Variants in ZC3H8 observed in about 807,000 individuals in gnomAD.
ZC3H8 encodes zinc finger CCCH-type containing 8.
ZC3H8 carries 27 observed loss-of-function variants against 42.5 expected under a neutral mutation model. The ratio of observed to expected loss-of-function variants is 0.64; its 90% confidence interval spans 0.47 to 0.88. The LOEUF is 0.88. Among genes scored for constraint, ZC3H8 ranks in the 40% least tolerant of loss-of-function variants. The pLI is 0.00. For missense variants in ZC3H8, 277 were observed against 336.1 expected, an observed-to-expected ratio of 0.82 and a Z score of 1.37; for synonymous variants, 101 against 110.1, an observed-to-expected ratio of 0.92 and a Z score of 0.52.
intron 8 of ZC3H8, among the ~76,000 whole-genome samples, chr2:112,225,078 G>A (rs1684758658): frequency 6.6e-6 from 1 of 152,104 alleles, no homozygotes; most frequent in Non-Finnish European, 1.5e-5. Context: ...TTTTGAGACT[G>A]TTCACTGGTA....
intron 8 of ZC3H8, among the ~76,000 whole-genome samples, chr2:112,224,891 G>T (rs1015373917): frequency 2.6e-5 from 4 of 152,184 alleles, no homozygotes; most frequent in East Asian, 1.9e-4. Context: ...TTTATTGATT[G>T]TGGTGGTAGC....
At chr2:112,222,730 G>C (rs1339794581) in intron 8 of ZC3H8, among the ~76,000 whole-genome samples, 1 of 152,138 alleles carries the variant, frequency 6.6e-6, no homozygotes, top group East Asian at 1.9e-4. Context: ...AAAATCACAA[G>C]AGACAGAAAA....
chr2:112,254,831 C>T (rs1686069311), intron 1 of ZC3H8, 77 bp downstream of exon 1: 2 of 1,511,922 alleles, frequency 1.3e-6, no homozygotes, highest in African/African-American at 2.8e-5. Context: ...CCCCGGACTG[C>T]CTCCAATCCA....
chr2:112,248,248 C>T (rs1021438568), intron 2 of ZC3H8, among the ~76,000 whole-genome samples: 1 of 151,600 alleles, frequency 6.6e-6, no homozygotes, highest in Non-Finnish European at 1.5e-5. Context: ...ACTGCTCGAA[C>T]CCAGGAGAAG....
In ZC3H8 at chr2:112,236,697, TAAAAACAAAAAATTA is replaced by T; in HGVS notation, c.371-17_371-3del. 1 of 1,600,444 alleles carries T rather than the reference TAAAAACAAAAAATTA, an allele frequency of 6.2e-7. No homozygotes were observed. The highest frequency in any genetic ancestry group is 8.5e-7 in the Non-Finnish European group (1 of 1,173,916). On this transcript the variant is annotated splice_polypyrimidine_tract_variant and splice_region_variant and intron_variant, in intron 3 of 8. Coordinates refer to ENST00000409573, the MANE Select transcript of ZC3H8 (RefSeq NM_032494.3). ...GATTTTTATTTTTTTGTTTAGCAGC[TAAAAACAAAAAATTA>T]ATTTAAAAAATGACATAAAGTTACA...
At position 112,231,943 on chromosome 2, in the gene ZC3H8, T is replaced by C; in HGVS notation, c.738A>G (p.Glu246=). 6.5e-7 allele frequency: 1 copy of C among 1,532,044 alleles called. No individual in the cohort carries two copies. The highest frequency in any genetic ancestry group is 8.9e-7 in the Non-Finnish European group (1 of 1,119,862). The allele number at this position is 1,532,044 out of a possible 1,614,324, so 94.9% of individuals were successfully genotyped here. A position where few individuals can be genotyped will look rare whatever the true frequency, so the allele number is the denominator to read the frequency against. Residue 246 remains glutamate (E), a synonymous_variant, in exon 7 of 9, where the codon GAA becomes GAG. Coordinates refer to ENST00000409573, the MANE Select transcript of ZC3H8 (RefSeq NM_032494.3). Reference sequence around the variant, plus strand: ...CTGTATGGTAAAACTTACAAGGATATTCATGTAACCCAAGTGTTAAGGAAG... The same window carrying C: ...CTGTATGGTAAAACTTACAAGGATACTCATGTAACCCAAGTGTTAAGGAAG... The part of the protein sequence containing the change: ...RGENCLYLHN[E]YPCKFYHTGT...
chr2:112,246,343 T>G (rs892124732), intron 2 of ZC3H8, among the ~76,000 whole-genome samples: 2 of 152,200 alleles, frequency 1.3e-5, no homozygotes, highest in Non-Finnish European at 2.9e-5. Flanking sequence ...AATACACTTT[T>G]TAAGGTTATA....
Position 112,236,716 on chromosome 2 carries a change from T to TA in ZC3H8, c.371-22dup, listed in dbSNP as rs570684550. On this transcript the variant is annotated intron_variant, in intron 3 of 8. Coordinates refer to ENST00000409573, the MANE Select transcript of ZC3H8 (RefSeq NM_032494.3). ...AGCAGCTAAAAACAAAAAATTAATT[T>TA]AAAAAATGACATAAAGTTACAATAG... 1.3e-5 allele frequency: 21 copies of TA among 1,575,858 alleles called. No homozygotes were observed. The East Asian group carries it at 4.4e-4, about 33-fold the overall frequency.
chr2:112,236,370 AAAAG>A (rs762871964), intron 4 of ZC3H8, among the ~76,000 whole-genome samples, 188 bp downstream of exon 4: 4 of 152,242 alleles, frequency 2.6e-5, no homozygotes, highest in Non-Finnish European at 5.9e-5. Context: ...ATCAGTGAGA[AAAAG>A]AAAGCTGCAA....
At chr2:112,220,997 CCTCT>C (rs1488101506) in intron 8 of ZC3H8, among the ~76,000 whole-genome samples, 18 of 152,108 alleles carry the variant, frequency 1.2e-4, no homozygotes, top group Non-Finnish European at 2.4e-4. Flanking sequence ...TGAATGTTGG[CCTCT>C]CTAACAAGGT....
In ZC3H8 at chr2:112,212,404, C is replaced by T. The variant is rs878902616; in HGVS notation, c.*4080G>A. ...GTGTGCTCTTTGCAGGAGCTGAATA[C>T]AATGAATGTAGTTTTTGGTGAAGAG... On this transcript the variant is annotated 3_prime_UTR_variant, in exon 9 of 9. Transcript: ENST00000409573. 1 of 152,172 alleles carries T rather than the reference C, an allele frequency of 6.6e-6. No individual in the cohort carries two copies. The highest frequency in any genetic ancestry group is 6.5e-5 in the Admixed American group (1 of 15,276). The allele number at this position is 152,172 out of a possible 1,614,324, so 9.4% of individuals were successfully genotyped here. A position where few individuals can be genotyped will look rare whatever the true frequency, so the allele number is the denominator to read the frequency against.
At position 112,213,850 on chromosome 2, in the gene ZC3H8, TAA is replaced by T. The variant is rs1684227877; in HGVS notation, c.*2632_*2633del. 8.3e-6 allele frequency: 1 copy of T among 120,564 alleles called. No individual in the cohort carries two copies. Among genetic ancestry groups the T allele is most frequent in the Non-Finnish European group, 1.7e-5 (1 of 59,358 alleles). The allele number at this position is 120,564 out of a possible 1,614,324, so 7.5% of individuals were successfully genotyped here. A position where few individuals can be genotyped will look rare whatever the true frequency, so the allele number is the denominator to read the frequency against. The stretch of plus-strand genomic sequence containing the variant: ...TTATGTGGCTTTTAGTAACTGACCA[TAA>T]AAAGACCCATATGAAACCTGTCACA... On this transcript the variant is annotated 3_prime_UTR_variant, in exon 9 of 9. Coordinates refer to ENST00000409573, the MANE Select transcript of ZC3H8 (RefSeq NM_032494.3).
intron 1 of ZC3H8, among the ~76,000 whole-genome samples, chr2:112,251,435 A>G (rs1000278159): frequency 2.6e-5 from 4 of 152,178 alleles, no homozygotes; most frequent in Admixed American, 2.6e-4. Context: ...AAACCCCAAT[A>G]CTTGTGAATC....
intron 1 of ZC3H8, among the ~76,000 whole-genome samples, chr2:112,251,259 A>G (rs1685936999): frequency 1.3e-5 from 2 of 152,224 alleles, no homozygotes; most frequent in Non-Finnish European, 2.9e-5. Context: ...CACAAGGAGA[A>G]TGTGAACAGT....
chr2:112,216,872 TAGAAAACAA>T (rs1159620117), intron 8 of ZC3H8, among the ~76,000 whole-genome samples: 1 of 151,850 alleles, frequency 6.6e-6, no homozygotes, highest in Non-Finnish European at 1.5e-5. Context: ...AAAAATTTAA[TAGAAAACAA>T]AGAAAACACA....
At position 112,215,615 on chromosome 2, in the gene ZC3H8, C is replaced by T. The variant is rs1048674236; in HGVS notation, c.*869G>A. The T allele has an allele frequency of 3.3e-5, 5 of 152,086 alleles. No individual in the cohort carries two copies. The highest frequency in any genetic ancestry group is 4.1e-4 in the South Asian group (2 of 4,824). The allele number at this position is 152,086 out of a possible 1,614,324, so 9.4% of individuals were successfully genotyped here. ...TCCCAACAATAAAACAATATAATGACGAGTTTCCATTTCATGGTATTTGTC... is the reference window on the plus strand; with the variant it reads ...TCCCAACAATAAAACAATATAATGATGAGTTTCCATTTCATGGTATTTGTC... On this transcript the variant is annotated 3_prime_UTR_variant, in exon 9 of 9. Transcript: ENST00000409573.
intron 2 of ZC3H8, among the ~76,000 whole-genome samples, chr2:112,245,510 T>C (rs1685728248): frequency 6.6e-6 from 1 of 152,118 alleles, no homozygotes; most frequent in Admixed American, 6.6e-5. Flanking sequence ...AAAAATTAAC[T>C]GGGTGTGATG....
rs1404768064 is a variant in ZC3H8 at position 112,222,395 on chromosome 2, G to C, written c.*16-5927C>G. 2.0e-5 allele frequency among the ~76,000 whole-genome samples: 3 copies of C among 152,172 alleles called. No homozygotes were observed. In the East Asian group the frequency reaches 5.8e-4, roughly 29 times the overall value. On this transcript the variant is annotated intron_variant, in intron 8 of 8. Coordinates refer to ENST00000409573, the MANE Select transcript of ZC3H8 (RefSeq NM_032494.3). Reference sequence around the variant, plus strand: ...TGTCTGGCTACAAGAGGTGGGGGGAGGGTGGAGTTGCCTGCCCTGCTGTCT... The same window carrying C: ...TGTCTGGCTACAAGAGGTGGGGGGACGGTGGAGTTGCCTGCCCTGCTGTCT...
chr2:112,236,505 G>A, intron 4 of ZC3H8, 57 bp downstream of exon 4: 3 of 1,587,782 alleles, frequency 1.9e-6, no homozygotes, highest in Non-Finnish European at 1.7e-6. Context: ...TGAAGTATAA[G>A]ATCAAGTCCA....
Sources: gnomAD v4.1 joint callset for allele counts (sites outside exome capture counted in the v4.1 genomes callset) on GRCh38, gnomAD v4.1.1 for gene constraint, MANE v1.5 for transcripts, NCBI Gene and HGNC (gene_info 2026-07-23, HGNC 2026-07-21) for gene names.